The following NUP35 variants were observed in gnomAD, a reference collection of about 807,000 sequenced individuals.
NUP35 encodes the protein nucleoporin 35, also known as nucleoporin NUP35.
A neutral mutation model predicts 41.5 loss-of-function variants in NUP35; 25 were observed. The observed-to-expected ratio is 0.60, with a 90% CI of 0.44 to 0.84. The LOEUF is 0.84. Ranked by LOEUF, NUP35 falls within the 40% of genes least tolerant of loss-of-function variation. NUP35 has a pLI of 0.00. For missense variants in NUP35, 396 were observed against 396.6 expected, an observed-to-expected ratio of 1.00 and a Z score of 0.01; for synonymous variants, 149 against 130.7, an observed-to-expected ratio of 1.14 and a Z score of -0.96.
intron 1 of NUP35, 152 bp downstream of exon 1, chr2:183,124,649 C>A: frequency 1.1e-6 from 1 of 951,478 alleles, no homozygotes; most frequent in East Asian, 2.5e-5. Flanking sequence ...ATAGTCGGTC[C>A]CCTACTCGAC....
intron 2 of NUP35, among the ~76,000 whole-genome samples, chr2:183,129,871 CT>C (rs780817355): frequency 4.6e-5 from 7 of 152,178 alleles, no homozygotes; most frequent in Non-Finnish European, 8.8e-5. Flanking sequence ...ATAAAGACAT[CT>C]TTATGTCACA....
intron 4 of NUP35, among the ~76,000 whole-genome samples, chr2:183,143,175 AGAAAT>A (rs1402946941): frequency 6.6e-6 from 1 of 151,534 alleles, no homozygotes; most frequent in Admixed American, 6.6e-5. Flanking sequence ...AAAAAAGAAA[AGAAAT>A]ACAGCATTCT....
At chr2:183,155,754 C>T (rs1278360370) in intron 5 of NUP35, among the ~76,000 whole-genome samples, 1 of 151,964 alleles carries the variant, frequency 6.6e-6, no homozygotes, top group Non-Finnish European at 1.5e-5. Flanking sequence ...AAAATAGGTA[C>T]CCACTCTTAA....
chr2:183,160,933 T>G (rs1685851336), intron 8 of NUP35, 121 bp from the exon 9 acceptor site: 3 of 684,856 alleles, frequency 4.4e-6, no homozygotes, highest in Non-Finnish European at 7.5e-6. Context: ...ATACAAAAAT[T>G]TACAATTTAG....
chr2:183,130,697 C>T, intron 3 of NUP35, 152 bp downstream of exon 3: 1 of 916,282 alleles, frequency 1.1e-6, no homozygotes, highest in South Asian at 1.7e-5. Flanking sequence ...ATAGAATCTA[C>T]TTAAATTGTG....
chr2:183,144,294 T>C (rs1274361387), intron 4 of NUP35, among the ~76,000 whole-genome samples: 1 of 152,212 alleles, frequency 6.6e-6, no homozygotes, highest in South Asian at 2.1e-4. Context: ...GTCCACAGTT[T>C]TTATTGGAGT....
chr2:183,134,883 C>G (rs1400020265), intron 4 of NUP35, among the ~76,000 whole-genome samples: 1 of 151,958 alleles, frequency 6.6e-6, no homozygotes, highest in Admixed American at 6.6e-5. Context: ...CTCGGCCTCC[C>G]AAAGTGCTGG....
chr2:183,153,986 A>G (rs1575135166), intron 5 of NUP35, among the ~76,000 whole-genome samples: 1 of 152,212 alleles, frequency 6.6e-6, no homozygotes, highest in Admixed American at 6.5e-5. Context: ...ACTTCTGTGC[A>G]CCCACAGGCT....
At chr2:183,150,475 C>G (rs1360363903) in intron 4 of NUP35, among the ~76,000 whole-genome samples, 1 of 152,160 alleles carries the variant, frequency 6.6e-6, no homozygotes, top group Non-Finnish European at 1.5e-5. Flanking sequence ...ATTTTCTCCA[C>G]AAAATGTTCA....
intron 5 of NUP35, among the ~76,000 whole-genome samples, chr2:183,154,612 T>C (rs377407143): frequency 1.3e-5 from 2 of 152,168 alleles, no homozygotes; most frequent in Non-Finnish European, 2.9e-5. Flanking sequence ...CCACCTCAGC[T>C]TGGAACTTAT....
chr2:183,157,560 A>G (rs1263687882), intron 6 of NUP35, 47 bp downstream of exon 6: 3 of 1,296,100 alleles, frequency 2.3e-6, no homozygotes, highest in Admixed American at 1.9e-5. Flanking sequence ...AAAGAGGGAT[A>G]AGTTGTGAAT....
At chr2:183,120,584 G>T (rs1387706800), upstream of NUP35, among the ~76,000 whole-genome samples, 1 of 152,150 alleles carries the variant, frequency 6.6e-6, no homozygotes, top group Non-Finnish European at 1.5e-5. Flanking sequence ...AATGTTTGAT[G>T]GTAGAGAAGG....
At position 183,148,215 on chromosome 2, in the gene NUP35, A is replaced by G. The variant is rs1292567132; in HGVS notation, c.398-3293A>G. ...TCTTTATTCATTCACCCATTGTTGA[A>G]CCCTTAGTTGATTCCATATCTTTGC... On this transcript the variant is annotated intron_variant, in intron 4 of 8. Coordinates refer to ENST00000295119, the MANE Select transcript of NUP35 (RefSeq NM_138285.5). Among the ~76,000 whole-genome samples, 4 of 152,068 alleles carry G rather than the reference A, an allele frequency of 2.6e-5. No homozygotes were observed. In the East Asian group the frequency reaches 7.7e-4, roughly 29 times the overall value.
intron 5 of NUP35, among the ~76,000 whole-genome samples, chr2:183,154,874 A>T: frequency 6.6e-6 from 1 of 152,220 alleles, no homozygotes; most frequent in Admixed American, 6.5e-5. Flanking sequence ...AAGAGGTTTA[A>T]TTGGACTTAC....
chr2:183,124,286 C>G (rs151019531), upstream of NUP35: 2 of 1,430,024 alleles, frequency 1.4e-6, no homozygotes, highest in Non-Finnish European at 9.2e-7. Context: ...ATTCTCAGCG[C>G]AAAGACTTTG....
At chr2:183,144,804 T>G (rs12994342) in intron 4 of NUP35, among the ~76,000 whole-genome samples, 24,509 of 152,170 alleles carry the variant, frequency 0.16, 2,312 homozygotes, top group African/African-American at 0.25. Flanking sequence ...GGGGCAATTA[T>G]GCTAAAGTTA....
upstream of NUP35, chr2:183,123,889 G>C: frequency 1.1e-6 from 1 of 882,182 alleles, no homozygotes; most frequent in Non-Finnish European, 1.4e-6. Flanking sequence ...CTATATTTTT[G>C]TATGTTTTAA....
At chr2:183,149,998 C>T (rs1208879020) in intron 4 of NUP35, among the ~76,000 whole-genome samples, 1 of 152,032 alleles carries the variant, frequency 6.6e-6, no homozygotes. Context: ...CCTCCGCCTC[C>T]CGGGTTCAAG....
chr2:183,159,739 C>A, intron 8 of NUP35, 87 bp downstream of exon 8: 2 of 1,049,992 alleles, frequency 1.9e-6, no homozygotes, highest in Non-Finnish European at 1.4e-6. Flanking sequence ...GATTTGTATG[C>A]CATTAAATGT....
Sources: allele counts gnomAD v4.1 joint callset (sites outside exome capture counted in the v4.1 genomes callset), GRCh38; gene constraint gnomAD v4.1.1; transcripts MANE v1.5; gene names NCBI Gene and HGNC (gene_info 2026-07-23, HGNC 2026-07-21).